The following MX1 variants were observed in gnomAD, a reference collection of about 807,000 sequenced individuals.
MX1 encodes MX dynamin like GTPase 1.
Under a neutral mutation model 66.4 loss-of-function variants are expected in MX1, and 66 were observed. That is an observed-to-expected ratio of 0.99 (90% confidence interval 0.82 to 1.22). The LOEUF (loss-of-function observed/expected upper bound fraction) is 1.22, where lower values mean the gene tolerates loss of function less well. Among genes scored for constraint, MX1 ranks in the 50% most tolerant of loss-of-function variants. The probability of loss-of-function intolerance (pLI) is 0.00; values close to 1 mark genes in which losing one functional copy is unlikely to be tolerated. For missense variants in MX1, 787 were observed against 834.3 expected, an observed-to-expected ratio of 0.94 and a Z score of 0.70; for synonymous variants, 311 against 318.1, an observed-to-expected ratio of 0.98 and a Z score of 0.24.
intron 7 of MX1, among the ~76,000 whole-genome samples, chr21:41,437,653 T>A (rs781248543): frequency 6.6e-5 from 10 of 152,124 alleles, no homozygotes; most frequent in Non-Finnish European, 1.5e-4. Flanking sequence ...AACACATGTA[T>A]TGCTTATTAT....
At chr21:41,423,588 TGGTCA>T (rs2090015127), upstream of MX1, among the ~76,000 whole-genome samples, 2 of 152,212 alleles carry the variant, frequency 1.3e-5, no homozygotes, top group Admixed American at 1.3e-4. Context: ...AAGGTGGATG[TGGTCA>T]CCTTCCCAGC....
rs548260617 is a variant in MX1 at position 41,443,863 on chromosome 21, CTG to C, written c.1008+1_1008+2del. On this transcript the variant is annotated frameshift_variant and splice_region_variant, in exon 11 of 17. Transcript: ENST00000398598. LOFTEE classifies it high-confidence loss of function. ...TTACCAGCGAGCTCATCACACATAT[CTG>C]TGTAAGCACGGGCAGAGCTGTGGGT... ...KLTSELITHI[C>X]KSLPLLENQI... The C allele has an allele frequency of 9.9e-5, 160 of 1,614,022 alleles. No individual in the cohort carries two copies. The highest frequency in any genetic ancestry group is 1.3e-4 in the Non-Finnish European group (154 of 1,179,938).
chr21:41,448,675 G>A (rs749385573), intron 13 of MX1, among the ~76,000 whole-genome samples: 19 of 152,160 alleles, frequency 1.2e-4, no homozygotes, highest in African/African-American at 2.6e-4. Context: ...GCGTGGTGGC[G>A]GGTACCTGTA....
chr21:41,430,896 A>G lies in MX1; in HGVS notation c.-22+288A>G, dbSNP rs2090191675. Among the ~76,000 whole-genome samples the G allele has an allele frequency of 2.6e-5, 4 of 152,380 alleles. No homozygotes were observed. In the South Asian group the frequency reaches 8.3e-4, roughly 32 times the overall value. ...GAAATTGATGATCAAAAGAAAGAGC[A>G]TAAAAGATTTAGAGCTCACGTGTTT... On this transcript the variant is annotated intron_variant, in intron 4 of 16. Transcript: ENST00000398598.
At chr21:41,431,913 C>T (rs456657) in intron 4 of MX1, 137 bp from the exon 5 acceptor site, 385,730 of 638,952 alleles carry the variant, frequency 0.6, 124,275 homozygotes, top group East Asian at 1. Flanking sequence ...CACTCTTCTA[C>T]GCTCTGGGGA....
chr21:41,439,173 A>G (rs969279798), intron 7 of MX1, among the ~76,000 whole-genome samples: 2 of 151,896 alleles, frequency 1.3e-5, no homozygotes, highest in Non-Finnish European at 2.9e-5. Flanking sequence ...GTGTTAGCCA[A>G]CAATTTGATG....
intron 8 of MX1, 94 bp from the exon 9 acceptor site, chr21:41,440,793 C>A: frequency 6.8e-7 from 1 of 1,469,242 alleles, no homozygotes; most frequent in Non-Finnish European, 9.5e-7. Context: ...CCCTGGGACT[C>A]TTAGGGCCTA....
At chr21:41,442,928 G>A (rs964395380) in intron 10 of MX1, among the ~76,000 whole-genome samples, 22 of 152,216 alleles carry the variant, frequency 1.4e-4, no homozygotes, top group African/African-American at 4.3e-4. Context: ...GAGACAGAAA[G>A]AATGATGGGC....
At chr21:41,451,858 A>G (rs117589529) in intron 15 of MX1, among the ~76,000 whole-genome samples, 66,380 of 137,674 alleles carry the variant, frequency 0.48, 17,485 homozygotes, top group African/African-American at 0.69. Flanking sequence ...AAAACAAACA[A>G]AAAAACTTTC....
At chr21:41,438,125 C>T (rs1216759339) in intron 7 of MX1, among the ~76,000 whole-genome samples, 5 of 152,210 alleles carry the variant, frequency 3.3e-5, no homozygotes, top group Non-Finnish European at 7.3e-5. Context: ...ACTGAAGAGA[C>T]ATGAACTAAT....
upstream of MX1, among the ~76,000 whole-genome samples, chr21:41,425,313 C>G (rs1004593267): frequency 6.6e-6 from 1 of 152,096 alleles, no homozygotes; most frequent in Non-Finnish European, 1.5e-5. Flanking sequence ...GGGGGTTGTT[C>G]TCTGGTGGGC....
At chr21:41,457,626 A>T (rs1488281408) in intron 16 of MX1, among the ~76,000 whole-genome samples, 2 of 152,050 alleles carry the variant, frequency 1.3e-5, no homozygotes, top group Non-Finnish European at 2.9e-5. Context: ...AGACTCTCTT[A>T]TGTTTTACCA....
At chr21:41,443,185 C>T (rs2090567604) in intron 10 of MX1, among the ~76,000 whole-genome samples, 1 of 152,192 alleles carries the variant, frequency 6.6e-6, no homozygotes, top group Admixed American at 6.5e-5. Flanking sequence ...CAAAAAGGCA[C>T]AGAAACTCAT....
At chr21:41,425,659 C>G (rs1276906799), upstream of MX1, among the ~76,000 whole-genome samples, 1 of 152,116 alleles carries the variant, frequency 6.6e-6, no homozygotes, top group Non-Finnish European at 1.5e-5. Flanking sequence ...CTTCCACACA[C>G]CCGTTTCCAC....
intron 4 of MX1, among the ~76,000 whole-genome samples, chr21:41,430,999 A>G (rs1318026614): frequency 6.6e-6 from 1 of 152,178 alleles, no homozygotes; most frequent in East Asian, 1.9e-4. Context: ...TTCTATAACA[A>G]TTTTATTTTT....
chr21:41,447,983 C>T (rs575585997), intron 13 of MX1, among the ~76,000 whole-genome samples: 1 of 152,314 alleles, frequency 6.6e-6, no homozygotes, highest in African/African-American at 2.4e-5. Context: ...CTGGCCTCAG[C>T]CTCCCAGAGT....
chr21:41,439,152 A>G (rs2090439937), intron 7 of MX1, among the ~76,000 whole-genome samples: 1 of 114,492 alleles, frequency 8.7e-6, no homozygotes, highest in Admixed American at 9.2e-5. Flanking sequence ...GATTTAGAAA[A>G]GAGTAAAGTG....
intron 7 of MX1, among the ~76,000 whole-genome samples, chr21:41,437,591 T>C: frequency 6.6e-6 from 1 of 152,168 alleles, no homozygotes; most frequent in East Asian, 1.9e-4. Context: ...CAGTGAGCCG[T>C]GATCTTGCTA....
chr21:41,429,211 G>A (rs940407407), intron 3 of MX1: 2 of 152,190 alleles, frequency 1.3e-5, no homozygotes, highest in African/African-American at 4.8e-5. Flanking sequence ...GTAAGAAACC[G>A]GTTTGAACTC....
Sources: allele counts gnomAD v4.1 joint callset (sites outside exome capture counted in the v4.1 genomes callset), GRCh38; gene constraint gnomAD v4.1.1; transcripts MANE v1.5; gene names NCBI Gene and HGNC (gene_info 2026-07-23, HGNC 2026-07-21).